The following SMARCA2 variants were observed in gnomAD, a reference collection of about 807,000 sequenced individuals.
SMARCA2 encodes the protein SWI/SNF-related matrix-associated actin-dependent regulator of chromatin subfamily A member 2.
Under a neutral mutation model 199.8 loss-of-function variants are expected in SMARCA2, and 61 were observed. That is an observed-to-expected ratio of 0.31 (90% confidence interval 0.25 to 0.38). SMARCA2 has a LOEUF of 0.38. Among genes scored for constraint, SMARCA2 ranks in the 10% least tolerant of loss-of-function variants. SMARCA2 has a pLI of 1.00. For missense variants in SMARCA2, 1,344 were observed against 2,012.2 expected (o/e 0.67, Z 6.35); for synonymous variants, 935 against 732.0 (o/e 1.28, Z -4.48).
chr9:2,040,059 C>A (rs1369656059), intron 4 of SMARCA2, 159 bp downstream of exon 4: 1 of 1,363,424 alleles, frequency 7.3e-7, no homozygotes, highest in Non-Finnish European at 9.8e-7. Context: ...GGCCAAGATT[C>A]TTGGTCTTCC....
intron 3 of SMARCA2, among the ~76,000 whole-genome samples, chr9:2,033,396 A>C (rs933002370): frequency 6.6e-6 from 1 of 152,154 alleles, no homozygotes; most frequent in Non-Finnish European, 1.5e-5. Context: ...AGTTTTATAG[A>C]TAGAGAAGAT....
intron 28 of SMARCA2, among the ~76,000 whole-genome samples, chr9:2,168,971 G>A (rs1402243924): frequency 6.6e-6 from 1 of 151,742 alleles, no homozygotes; most frequent in African/African-American, 2.4e-5. Context: ...TTGTTTTCAG[G>A]TTTTCCTCCC....
At chr9:2,144,696 T>C (rs928796316) in intron 27 of SMARCA2, among the ~76,000 whole-genome samples, 2 of 152,274 alleles carry the variant, frequency 1.3e-5, no homozygotes, top group South Asian at 2.1e-4. Flanking sequence ...ATCAGTAAAA[T>C]TAACAGCCTT....
At chr9:2,033,281 C>G (rs1819157089) in intron 3 of SMARCA2, 200 bp downstream of exon 3, 2 of 536,238 alleles carry the variant, frequency 3.7e-6, no homozygotes, top group East Asian at 6.6e-5. Context: ...TTCCGAAGTC[C>G]TAGTAATTTT....
intron 27 of SMARCA2, among the ~76,000 whole-genome samples, chr9:2,143,399 C>T (rs1004296079): frequency 6.6e-6 from 1 of 152,086 alleles, no homozygotes; most frequent in Admixed American, 6.5e-5. Context: ...AAAGCCTGAG[C>T]GTATTTGAAA....
intron 4 of SMARCA2, chr9:2,041,734 G>A (rs1039325203): frequency 4.1e-6 from 1 of 245,300 alleles, no homozygotes; most frequent in South Asian, 1.8e-4. Flanking sequence ...GAACAGGAAA[G>A]GTTATACAAG....
chr9:2,066,286 A>G (rs1399425803), intron 9 of SMARCA2, among the ~76,000 whole-genome samples: 1 of 152,240 alleles, frequency 6.6e-6, no homozygotes, highest in African/African-American at 2.4e-5. Flanking sequence ...AGCCTATGTT[A>G]AAGTAATCTA....
chr9:2,146,127 G>T (rs1255298606), intron 27 of SMARCA2, among the ~76,000 whole-genome samples: 1 of 152,184 alleles, frequency 6.6e-6, no homozygotes, highest in Non-Finnish European at 1.5e-5. Context: ...CAAGATCAAG[G>T]CACCAGCAGA....
chr9:2,151,663 G>C (rs1825088668), intron 27 of SMARCA2, among the ~76,000 whole-genome samples: 1 of 152,138 alleles, frequency 6.6e-6, no homozygotes, highest in Admixed American at 6.5e-5. Context: ...AACCCAGGAG[G>C]TGGAGGTTGC....
At chr9:2,097,332 A>C in intron 20 of SMARCA2, 53 bp from the exon 21 acceptor site, 1 of 1,172,038 alleles carries the variant, frequency 8.5e-7, no homozygotes, top group Non-Finnish European at 1.3e-6. Context: ...AGGATCTGAA[A>C]TGTCTGACCA....
At chr9:2,046,156 G>A (rs1172187887) in intron 4 of SMARCA2, 1 of 152,024 alleles carries the variant, frequency 6.6e-6, no homozygotes, top group African/African-American at 2.4e-5. Context: ...TTTAACATCT[G>A]CTTACTGAGA....
intron 28 of SMARCA2, chr9:2,162,628 C>T (rs1024565503): frequency 4.6e-5 from 7 of 152,242 alleles, no homozygotes; most frequent in East Asian, 1.9e-4. Context: ...TTTATTATCA[C>T]GTGGTAATGT....
rs1826177942 is a variant in SMARCA2 at position 2,170,300 on chromosome 9, C to T, written c.4200-119C>T. ...ACATAACCCCGTGTAATCTTCCTAA[C>T]AAGGCAGGTTGGTGAGGAGACTGAG... On this transcript the variant is annotated intron_variant, in intron 28 of 33. Transcript: ENST00000349721. This position sits in a 1 kb window ranked among gnomAD's most constrained non-coding sequence, Gnocchi z 4.7. 2 of 1,255,490 alleles carry T rather than the reference C, an allele frequency of 1.6e-6. No individual in the cohort carries two copies. Among genetic ancestry groups the T allele is most frequent in the East Asian group, 2.5e-5 (1 of 39,908 alleles). 77.8% of individuals were successfully genotyped at this position (1,255,490 alleles called of 1,614,324 possible).
At chr9:2,106,281 C>T (rs552968983) in intron 23 of SMARCA2, among the ~76,000 whole-genome samples, 6 of 152,322 alleles carry the variant, frequency 3.9e-5, no homozygotes, top group Non-Finnish European at 8.8e-5. Flanking sequence ...TCTGAAAATA[C>T]AGGCTTCTTC....
chr9:2,188,675 T>A (rs1298986928), intron 32 of SMARCA2, among the ~76,000 whole-genome samples: 1 of 152,182 alleles, frequency 6.6e-6, no homozygotes, highest in Admixed American at 6.5e-5. Flanking sequence ...TACCACAAAC[T>A]TAGTGACTTT....
chr9:2,058,468 A>G lies in SMARCA2; in HGVS notation c.1521+4A>G. On this transcript the variant is annotated splice_donor_region_variant and intron_variant, in intron 8 of 33. Transcript: ENST00000349721. ...GGAGAGAATGCGGCGACTGATGGTA[A>G]GGAACTCCCTGCAGGAGCCCAGGAA... The G allele has an allele frequency of 1.2e-6, 2 of 1,613,494 alleles. No homozygotes were observed. The highest frequency in any genetic ancestry group is 1.1e-5 in the South Asian group (1 of 91,046).
intron 1 of SMARCA2, among the ~76,000 whole-genome samples, chr9:2,027,344 G>A (rs2130168898): frequency 6.6e-6 from 1 of 152,204 alleles, no homozygotes; most frequent in East Asian, 1.9e-4. Context: ...TGGGAGGCTG[G>A]TTGGGGAGGA....
At chr9:2,168,110 C>G (rs1248462900) in intron 28 of SMARCA2, among the ~76,000 whole-genome samples, 1 of 150,162 alleles carries the variant, frequency 6.7e-6, no homozygotes, top group African/African-American at 2.5e-5. Flanking sequence ...CTCCCGGGTT[C>G]AAGCAATTCT....
At chr9:2,156,331 T>A (rs1428347569) in intron 27 of SMARCA2, among the ~76,000 whole-genome samples, 1 of 141,402 alleles carries the variant, frequency 7.1e-6, no homozygotes, top group African/African-American at 2.5e-5. Context: ...GGGGTTAAGT[T>A]GTTCCTTAAT....
Sources: allele counts gnomAD v4.1 joint callset (sites outside exome capture counted in the v4.1 genomes callset), GRCh38; gene constraint gnomAD v4.1.1; non-coding constraint Gnocchi (gnomAD v3.1); transcripts MANE v1.5; gene names NCBI Gene and HGNC (gene_info 2026-07-23, HGNC 2026-07-21).